Variants in BLK observed in about 807,000 individuals in gnomAD.
The protein encoded by BLK is tyrosine-protein kinase Blk.
In BLK, 64 loss-of-function variants were observed where a neutral mutation model predicts 61.8. The observed-to-expected ratio is 1.03, with a 90% CI of 0.85 to 1.27. BLK has a LOEUF of 1.27. Among genes scored for constraint, BLK ranks in the 50% most tolerant of loss-of-function variants. The pLI, the probability that BLK is intolerant of heterozygous loss-of-function variation, is 0.00. For missense variants in BLK, 853 were observed against 660.5 expected (o/e 1.29, Z -3.19); for synonymous variants, 351 against 272.0 (o/e 1.29, Z -2.86).
chr8:11,532,365 A>AT (rs56990952), intron 1 of BLK, among the ~76,000 whole-genome samples: 168 of 125,624 alleles, frequency 1.3e-3, no homozygotes, highest in African/African-American at 4.4e-3. Context: ...TGCCCAGCTC[A>AT]TTTTTTTTTT....
At chr8:11,506,736 T>C (rs965848342) in intron 1 of BLK, among the ~76,000 whole-genome samples, 1 of 152,180 alleles carries the variant, frequency 6.6e-6, no homozygotes, top group African/African-American at 2.4e-5. Flanking sequence ...GCTGCTAGAA[T>C]GTCATGTCAG....
intron 1 of BLK, among the ~76,000 whole-genome samples, chr8:11,526,456 T>TA (rs1799654162): frequency 6.6e-6 from 1 of 152,172 alleles, no homozygotes; most frequent in Admixed American, 6.5e-5. Flanking sequence ...TGGTGGCTCA[T>TA]ACTTGTAATC....
Position 11,564,576 on chromosome 8 carries a change from T to C in BLK, c.*468T>C. 1 of 429,146 alleles carries C rather than the reference T, an allele frequency of 2.3e-6. No homozygotes were observed. The highest frequency in any genetic ancestry group is 4.7e-6 in the Non-Finnish European group (1 of 212,724). 26.6% of individuals were successfully genotyped at this position (429,146 alleles called of 1,614,324 possible). The stretch of plus-strand genomic sequence containing the variant: ...GCGCTCCAGCACTGCGGGGCTTTTC[T>C]GCAATAAAGTCACGAGCGTTCGAGC... On this transcript the variant is annotated 3_prime_UTR_variant, in exon 13 of 13. Transcript: ENST00000259089.
intron 1 of BLK, among the ~76,000 whole-genome samples, chr8:11,515,662 C>T (rs1799194164): frequency 6.6e-6 from 1 of 152,028 alleles, no homozygotes; most frequent in Non-Finnish European, 1.5e-5. Context: ...CCTTAATTTT[C>T]AAAGTTTTGT....
chr8:11,526,828 A>G (rs1230283662), intron 1 of BLK, among the ~76,000 whole-genome samples: 1 of 152,226 alleles, frequency 6.6e-6, no homozygotes, highest in Non-Finnish European at 1.5e-5. Context: ...AGGCACTACA[A>G]TAATATAACT....
chr8:11,513,531 T>C (rs1290719240), intron 1 of BLK, among the ~76,000 whole-genome samples: 1 of 152,198 alleles, frequency 6.6e-6, no homozygotes, highest in Non-Finnish European at 1.5e-5. Flanking sequence ...CCCCTAAATC[T>C]GCGATGCAAT....
intron 1 of BLK, among the ~76,000 whole-genome samples, chr8:11,495,631 T>C (rs547902586): frequency 2.6e-5 from 4 of 152,094 alleles, no homozygotes; most frequent in African/African-American, 9.7e-5. Context: ...CCTTCAAAAA[T>C]GTCAAGGTCA....
intron 1 of BLK, among the ~76,000 whole-genome samples, chr8:11,541,054 T>G (rs1393954775): frequency 2.0e-5 from 3 of 152,140 alleles, no homozygotes; most frequent in African/African-American, 7.2e-5. Flanking sequence ...TCACTTGAGC[T>G]CTGGAGTTTG....
Position 11,556,715 on chromosome 8 carries a change from C to G in BLK, c.830C>G (p.Ser277Cys). 1 of 1,614,174 alleles carries G rather than the reference C, an allele frequency of 6.2e-7. No homozygotes were observed. Among genetic ancestry groups the G allele is most frequent in the Non-Finnish European group, 8.5e-7 (1 of 1,180,032 alleles). The change falls in exon 9 of 13, where the codon TCT becomes TGT. Residue 277 changes from serine to cysteine, a missense_variant. Physicochemically the swap from Ser to Cys is moderately radical, Grantham distance 112. Transcript: ENST00000259089. ...AIKTLKEGTM[S>C]PEAFLGEANV... ...AAGACGCTGAAGGAGGGAACCATGT[C>G]TCCAGAAGCCTTTCTGGGTGAGGCC...
chr8:11,502,092 A>G (rs1798584033), intron 1 of BLK, among the ~76,000 whole-genome samples: 2 of 152,234 alleles, frequency 1.3e-5, no homozygotes, highest in South Asian at 4.1e-4. Flanking sequence ...GCAGCAGCAC[A>G]GCACGATAGA....
At chr8:11,523,202 T>G (rs1409634450) in intron 1 of BLK, among the ~76,000 whole-genome samples, 1 of 152,200 alleles carries the variant, frequency 6.6e-6, no homozygotes, top group Non-Finnish European at 1.5e-5. Context: ...ATAAATTGAC[T>G]AGGTAGAAAT....
At position 11,548,340 on chromosome 8, in the gene BLK, C is replaced by G. The variant is rs148597226; in HGVS notation, c.269+215C>G. Among the ~76,000 whole-genome samples the G allele has an allele frequency of 2.6e-3, 395 of 152,322 alleles. 1 individual carries two copies. The highest frequency in any genetic ancestry group is 0.014 in the Middle Eastern group (4 of 294). On this transcript the variant is annotated intron_variant, in intron 4 of 12. Coordinates refer to ENST00000259089, the MANE Select transcript of BLK (RefSeq NM_001715.3). ...TAATTTCCATTCACAACCTCCTGCT[C>G]ATCCTTCAAAGTCCACGTTCCATGC...
chr8:11,563,000 G>A lies in BLK; in HGVS notation c.1202G>A (p.Trp401Ter), dbSNP rs1429484084. ...AQEGAKFPIK[W>*]TAPEAIHFGV... ...ACAGGGGCCAAGTTCCCCATCAAGT[G>A]GACAGCCCCGGAAGCCATCCACTTC... is the stretch of plus-strand genomic sequence containing the variant. Residue 401 changes from tryptophan to a stop codon, truncating the protein, a stop_gained, in exon 12 of 13, where the codon TGG becomes TAG. Transcript: ENST00000259089. LOFTEE classifies it high-confidence loss of function. The A allele has an allele frequency of 1.9e-6, 3 of 1,614,010 alleles. No homozygotes were observed. Among genetic ancestry groups the A allele is most frequent in the Non-Finnish European group, 1.7e-6 (2 of 1,180,030 alleles).
chr8:11,545,899 G>A (rs1800611943), intron 2 of BLK, 153 bp from the exon 3 acceptor site: 2 of 831,652 alleles, frequency 2.4e-6, no homozygotes, highest in Admixed American at 3.4e-5. Flanking sequence ...CCTGGGTACA[G>A]AATGTCCCTG....
In BLK at chr8:11,549,689, G is replaced by A. The variant is rs555977765; in HGVS notation, c.369-470G>A. On this transcript the variant is annotated intron_variant, in intron 5 of 12. Transcript: ENST00000259089. ...GTCTTCTCTGGACACTGTGGGCCCC[G>A]CTTCTTTCCCTGGAACAGTGTGGGG... Among the ~76,000 whole-genome samples the A allele has an allele frequency of 1.7e-3, 260 of 152,314 alleles. 4 individuals carry two copies. The South Asian group carries it at 0.022, about 13-fold the overall frequency.
chr8:11,495,097 A>G (rs536154238), intron 1 of BLK, among the ~76,000 whole-genome samples: 2 of 152,348 alleles, frequency 1.3e-5, no homozygotes, highest in East Asian at 3.9e-4. Context: ...GAATGGGGTA[A>G]CTGAATAGAT....
At chr8:11,520,244 A>G (rs1238776433) in intron 1 of BLK, among the ~76,000 whole-genome samples, 3 of 152,140 alleles carry the variant, frequency 2.0e-5, no homozygotes, top group Non-Finnish European at 4.4e-5. Context: ...TGGGAGGCTA[A>G]GGTAGGAGGA....
In BLK at chr8:11,533,157, G is replaced by A. The variant is rs114693247; in HGVS notation, c.-1-10067G>A. Among the ~76,000 whole-genome samples, 1,484 of 152,278 alleles carry A rather than the reference G, an allele frequency of 9.7e-3. 12 individuals are homozygous for A. Among genetic ancestry groups the A allele is most frequent in the Middle Eastern group, 0.044 (13 of 294 alleles). ...TTTTATGAGTTAATTTTAAATCTCTGCCTCTCTAGCAGGACATCTGTGTCT... is the reference window on the plus strand; with the variant it reads ...TTTTATGAGTTAATTTTAAATCTCTACCTCTCTAGCAGGACATCTGTGTCT... On this transcript the variant is annotated intron_variant, in intron 1 of 12. Transcript: ENST00000259089.
chr8:11,541,095 G>C (rs75745277), intron 1 of BLK, among the ~76,000 whole-genome samples: 3,303 of 152,168 alleles, frequency 0.022, 72 homozygotes, highest in African/African-American at 0.052. Context: ...GCAAAACCCT[G>C]TCTCTACCAA....
Sources: gnomAD v4.1 joint callset for allele counts (sites outside exome capture counted in the v4.1 genomes callset) on GRCh38, gnomAD v4.1.1 for gene constraint, MANE v1.5 for transcripts, NCBI Gene and HGNC (gene_info 2026-07-23, HGNC 2026-07-21) for gene names.